Variants in KIAA0825 observed in about 807,000 individuals in gnomAD.
KIAA0825 encodes the protein KIAA0825, also known as uncharacterized protein KIAA0825.
Under a neutral mutation model 147.6 loss-of-function variants are expected in KIAA0825, and 119 were observed. That is an observed-to-expected ratio of 0.81 (90% CI 0.69 to 0.94). The LOEUF (loss-of-function observed/expected upper bound fraction) is 0.94. Among genes scored for constraint, KIAA0825 ranks in the 40% least tolerant of loss-of-function variants. KIAA0825 has a pLI of 0.00. For missense variants in KIAA0825, 1,381 were observed against 1,472.7 expected, an observed-to-expected ratio of 0.94 and a Z score of 1.02; for synonymous variants, 470 against 518.1, an observed-to-expected ratio of 0.91 and a Z score of 1.26.
intron 2 of KIAA0825, among the ~76,000 whole-genome samples, chr5:94,558,827 T>G (rs993721512): frequency 6.6e-6 from 1 of 152,222 alleles, no homozygotes; most frequent in African/African-American, 2.4e-5. Context: ...ATTCCACAAG[T>G]GCATTCCCTA....
At chr5:94,282,979 A>C (rs1243841891) in intron 20 of KIAA0825, among the ~76,000 whole-genome samples, 1 of 152,104 alleles carries the variant, frequency 6.6e-6, no homozygotes, top group Non-Finnish European at 1.5e-5. Context: ...AAAATAGAAG[A>C]TAGGGAAGCC....
chr5:94,284,651 G>A (rs1777590294), intron 20 of KIAA0825, among the ~76,000 whole-genome samples: 1 of 152,058 alleles, frequency 6.6e-6, no homozygotes. Flanking sequence ...GTACTACTAT[G>A]CACTAGTCAA....
intron 20 of KIAA0825, among the ~76,000 whole-genome samples, chr5:94,229,113 G>T (rs1254908260): frequency 6.6e-6 from 1 of 152,140 alleles, no homozygotes; most frequent in Admixed American, 6.5e-5. Context: ...CTTCCCTCCT[G>T]TGTTAGATTT....
At chr5:94,370,609 T>C (rs1746546567) in intron 20 of KIAA0825, among the ~76,000 whole-genome samples, 1 of 152,012 alleles carries the variant, frequency 6.6e-6, no homozygotes, top group Non-Finnish European at 1.5e-5. Flanking sequence ...GTTGATAAAT[T>C]TAAAAACATA....
chr5:94,427,889 A>T (rs978386368), intron 14 of KIAA0825, among the ~76,000 whole-genome samples: 1 of 152,156 alleles, frequency 6.6e-6, no homozygotes, highest in Non-Finnish European at 1.5e-5. Context: ...GGGTGCTCCA[A>T]TGTTGAGTGT....
intron 16 of KIAA0825, among the ~76,000 whole-genome samples, chr5:94,399,738 A>T (rs1012498288): frequency 2.6e-5 from 4 of 152,144 alleles, no homozygotes; most frequent in African/African-American, 9.6e-5. Context: ...GGATGAAGGC[A>T]ATATATGTAT....
At chr5:94,415,738 AGGGGAGG>A (rs1562475528) in intron 15 of KIAA0825, 2 of 152,204 alleles carry the variant, frequency 1.3e-5, no homozygotes, top group Non-Finnish European at 2.9e-5. Context: ...CTGACCATGT[AGGGGAGG>A]GTTTGCTCAC....
At position 94,422,669 on chromosome 5, in the gene KIAA0825, G is replaced by A. The variant is rs181354056; in HGVS notation, c.2498-5304C>T. 1.2e-4 allele frequency among the ~76,000 whole-genome samples: 19 copies of A among 152,026 alleles called. No homozygotes were observed. In the South Asian group the frequency reaches 2.1e-3, roughly 17 times the overall value. On this transcript the variant is annotated intron_variant, in intron 14 of 20. Coordinates refer to ENST00000682413, the MANE Select transcript of KIAA0825 (RefSeq NM_001145678.3). Reference sequence around the variant, plus strand: ...CGTTTTTCTTTCCCTCTGCCTTCTGGACCAGACATTTGTTTTGTTTTTCTA... The same window carrying A: ...CGTTTTTCTTTCCCTCTGCCTTCTGAACCAGACATTTGTTTTGTTTTTCTA...
intron 1 of KIAA0825, among the ~76,000 whole-genome samples, chr5:94,612,206 T>A (rs764297861): frequency 3.9e-5 from 6 of 152,226 alleles, no homozygotes; most frequent in Non-Finnish European, 7.3e-5. Context: ...GTAGGGATTA[T>A]ACTTTTCTTG....
Position 94,460,746 on chromosome 5 carries a change from C to T in KIAA0825, c.2246+1641G>A, listed in dbSNP as rs142299809. ...ATATTTTTCCCTAATTGGCAAAGAA[C>T]ATGTTGCCCTGTATATTTCATTTGT... On this transcript the variant is annotated intron_variant, in intron 12 of 20. Transcript: ENST00000682413. Among the ~76,000 whole-genome samples, 4 of 151,076 alleles carry T rather than the reference C, an allele frequency of 2.6e-5. No homozygotes were observed. The East Asian group carries it at 9.1e-4, about 34-fold the overall frequency.
intron 1 of KIAA0825, chr5:94,592,847 CTG>C: frequency 1.7e-6 from 1 of 572,496 alleles, no homozygotes; most frequent in East Asian, 4.0e-5. Flanking sequence ...TTCTCCTGGA[CTG>C]TGTTTCAATT....
At chr5:94,588,843 A>G (rs562594797) in intron 1 of KIAA0825, among the ~76,000 whole-genome samples, 1 of 151,536 alleles carries the variant, frequency 6.6e-6, no homozygotes, top group Admixed American at 6.6e-5. Flanking sequence ...ATACAACCAT[A>G]AAAAGGATGA....
chr5:94,406,657 T>G (rs1752104818), intron 15 of KIAA0825, among the ~76,000 whole-genome samples: 1 of 152,208 alleles, frequency 6.6e-6, no homozygotes, highest in Non-Finnish European at 1.5e-5. Context: ...CAAGGAGAAT[T>G]TATTCAAGAA....
chr5:94,340,011 T>C (rs1473658948), intron 20 of KIAA0825, among the ~76,000 whole-genome samples: 1 of 152,122 alleles, frequency 6.6e-6, no homozygotes, highest in Non-Finnish European at 1.5e-5. Flanking sequence ...TGTCTAGAAG[T>C]TTTCCCATGT....
intron 12 of KIAA0825, among the ~76,000 whole-genome samples, chr5:94,455,215 A>T (rs1758948934): frequency 6.6e-6 from 1 of 152,160 alleles, no homozygotes; most frequent in African/African-American, 2.4e-5. Flanking sequence ...AAGGAACGTA[A>T]GATGTAAAGA....
At chr5:94,613,771 G>GGGT (rs1789591541) in intron 1 of KIAA0825, among the ~76,000 whole-genome samples, 1 of 152,216 alleles carries the variant, frequency 6.6e-6, no homozygotes, top group Admixed American at 6.5e-5. Context: ...CTCCAGAAGG[G>GGGT]GGTGCCCTTT....
intron 20 of KIAA0825, among the ~76,000 whole-genome samples, chr5:94,298,951 G>A (rs13160540): frequency 0.11 from 16,729 of 152,112 alleles, 1,019 homozygotes; most frequent in Non-Finnish European, 0.13. Context: ...AGGTAACAGG[G>A]TAAGGTAACC....
intron 2 of KIAA0825, among the ~76,000 whole-genome samples, chr5:94,561,741 A>T (rs979924008): frequency 4.6e-5 from 7 of 152,198 alleles, no homozygotes; most frequent in African/African-American, 1.4e-4. Flanking sequence ...CTTAATTCCT[A>T]TTCCAATTAA....
In KIAA0825 at chr5:94,464,191, G is replaced by T. The variant is rs193121637; in HGVS notation, c.2063+678C>A. Among the ~76,000 whole-genome samples the T allele has an allele frequency of 1.1e-3, 170 of 151,676 alleles. 2 individuals are homozygous for T. The highest frequency in any genetic ancestry group is 3.6e-3 in the African/African-American group (148 of 41,352). On this transcript the variant is annotated intron_variant, in intron 11 of 20. Coordinates refer to ENST00000682413, the MANE Select transcript of KIAA0825 (RefSeq NM_001145678.3). ...ATACAGAATATTTACAAAACAAAAGGCTTTTCTTCATATACATACAAGACC... is the reference window on the plus strand; with the variant it reads ...ATACAGAATATTTACAAAACAAAAGTCTTTTCTTCATATACATACAAGACC...
Sources: gnomAD v4.1 joint callset for allele counts (sites outside exome capture counted in the v4.1 genomes callset) on GRCh38, gnomAD v4.1.1 for gene constraint, MANE v1.5 for transcripts, NCBI Gene and HGNC (gene_info 2026-07-23, HGNC 2026-07-21) for gene names.